Variants in NFATC2 observed in about 807,000 individuals in gnomAD.
The protein encoded by NFATC2 is nuclear factor of activated T cells 2.
A neutral mutation model predicts 87.3 loss-of-function variants in NFATC2; 22 were observed. The ratio of observed to expected loss-of-function variants is 0.25; its 90% confidence interval spans 0.18 to 0.36. The LOEUF (loss-of-function observed/expected upper bound fraction) is 0.36. Ranked by LOEUF, NFATC2 falls within the 10% of genes least tolerant of loss-of-function variation. The pLI is 1.00. For synonymous variants in NFATC2, 565 were observed against 542.2 expected, an observed-to-expected ratio of 1.04 and a Z score of -0.58; for missense variants, 1,149 against 1,259.1, an observed-to-expected ratio of 0.91 and a Z score of 1.32.
chr20:51,484,854 C>G (rs1989576066), intron 3 of NFATC2, among the ~76,000 whole-genome samples: 1 of 152,236 alleles, frequency 6.6e-6, no homozygotes, highest in African/African-American at 2.4e-5. Context: ...ATCCCACTGG[C>G]TGGATGTGTC....
chr20:51,554,324 T>C (rs939478221), intron 1 of NFATC2, among the ~76,000 whole-genome samples: 3 of 152,262 alleles, frequency 2.0e-5, no homozygotes, highest in Non-Finnish European at 4.4e-5. Context: ...CTCATAGACG[T>C]TGGGTTTTTC....
At chr20:51,413,322 G>A (rs1979558260) in intron 9 of NFATC2, among the ~76,000 whole-genome samples, 1 of 152,078 alleles carries the variant, frequency 6.6e-6, no homozygotes, top group Non-Finnish European at 1.5e-5. Flanking sequence ...ATCCTGCTGA[G>A]AAGAGATAAC....
At chr20:51,442,692 T>G (rs1299326316) in intron 6 of NFATC2, among the ~76,000 whole-genome samples, 1 of 145,646 alleles carries the variant, frequency 6.9e-6, no homozygotes, top group Non-Finnish European at 1.5e-5. Flanking sequence ...TTTTTATTAT[T>G]TTTAAATAAA....
chr20:51,540,848 A>G (rs1354692484), intron 1 of NFATC2, among the ~76,000 whole-genome samples: 4 of 152,064 alleles, frequency 2.6e-5, no homozygotes, highest in Non-Finnish European at 4.4e-5. Flanking sequence ...CTGATTACCA[A>G]TCTGGGAGGG....
chr20:51,411,893 T>C (rs977772723), intron 9 of NFATC2, among the ~76,000 whole-genome samples: 5 of 152,080 alleles, frequency 3.3e-5, no homozygotes, highest in African/African-American at 1.2e-4. Context: ...ATGTGTTGAG[T>C]AGAACTGACC....
chr20:51,429,297 G>C (rs574899054), intron 9 of NFATC2, among the ~76,000 whole-genome samples: 3 of 152,238 alleles, frequency 2.0e-5, no homozygotes, highest in Non-Finnish European at 2.9e-5. Flanking sequence ...CCCATTGGAG[G>C]GTCCTGGGGT....
chr20:51,530,375 G>A (rs1249724505), intron 1 of NFATC2, among the ~76,000 whole-genome samples: 2 of 152,102 alleles, frequency 1.3e-5, no homozygotes, highest in Non-Finnish European at 2.9e-5. Flanking sequence ...CACCATGTTG[G>A]TCAGGCTAGT....
intron 3 of NFATC2, among the ~76,000 whole-genome samples, chr20:51,514,489 A>C (rs1466794357): frequency 6.6e-6 from 1 of 152,226 alleles, no homozygotes; most frequent in Non-Finnish European, 1.5e-5. Context: ...TAAGAGAGAG[A>C]GACATTGACA....
intron 5 of NFATC2, among the ~76,000 whole-genome samples, chr20:51,472,634 T>C (rs1235367788): frequency 8.9e-6 from 1 of 112,494 alleles, no homozygotes; most frequent in Non-Finnish European, 1.9e-5. Flanking sequence ...TTCTTCTTTT[T>C]TTTTTTTTTT....
At chr20:51,561,203 T>G (rs1324582296) in intron 1 of NFATC2, among the ~76,000 whole-genome samples, 1 of 152,040 alleles carries the variant, frequency 6.6e-6, no homozygotes. Context: ...GTTAAAACGT[T>G]CGAAGTCCTG....
At chr20:51,551,494 C>T (rs1221780355) in intron 1 of NFATC2, among the ~76,000 whole-genome samples, 1 of 151,938 alleles carries the variant, frequency 6.6e-6, no homozygotes. Context: ...GCTTCAACCT[C>T]CCCAGCTCAG....
intron 1 of NFATC2, among the ~76,000 whole-genome samples, chr20:51,539,664 T>C (rs944884088): frequency 2.0e-5 from 3 of 152,180 alleles, no homozygotes; most frequent in African/African-American, 7.2e-5. Context: ...CTAATTGTTT[T>C]ATTTTTTTAT....
intron 3 of NFATC2, among the ~76,000 whole-genome samples, chr20:51,495,440 A>G (rs2075972890): frequency 6.6e-6 from 1 of 152,208 alleles, no homozygotes; most frequent in Non-Finnish European, 1.5e-5. Context: ...CACCTCAAAG[A>G]GAACACAGCT....
chr20:51,520,066 A>G (rs982057737), intron 2 of NFATC2, among the ~76,000 whole-genome samples: 3 of 152,218 alleles, frequency 2.0e-5, no homozygotes, highest in African/African-American at 7.2e-5. Context: ...TCAACTTTAT[A>G]GAAGATTCTT....
rs1257579244 is a variant in NFATC2, at chr20:51,474,067, G to T, written c.1621C>A (p.Arg541=). The T allele has an allele frequency of 5.6e-6, 9 of 1,614,090 alleles. No individual in the cohort carries two copies. Among genetic ancestry groups the T allele is most frequent in the Non-Finnish European group, 7.6e-6 (9 of 1,180,046 alleles). The change falls in exon 5 of 11, where the codon CGG becomes AGG. Residue 541 remains arginine (R), a synonymous_variant. Coordinates refer to ENST00000371564, the MANE Select transcript of NFATC2 (RefSeq NM_012340.5). ...GETDIGRKNT[R]VRLVFRVHIP... is the part of the protein sequence containing the mutation. ...TGAACTCGGAAAACCAGTCTCACCC[G>T]CGTGTTCTTTCTTCCAATGTCCGTC...
rs1555803754 is a variant in NFATC2, at chr20:51,480,287, C to CT, written c.1333-4628_1333-4627insA. ...TGGGTCACAAAGCAAGACTCTGTCT[C>CT]AAAAAAAATAGAATGTGCTTCCTGC... is the stretch of plus-strand genomic sequence containing the variant. On this transcript the variant is annotated intron_variant, in intron 3 of 10. Coordinates refer to ENST00000371564, the MANE Select transcript of NFATC2 (RefSeq NM_012340.5). This position sits in a 1 kb window ranked among gnomAD's most constrained non-coding sequence, Gnocchi z 4.2. 7.1e-5 allele frequency among the ~76,000 whole-genome samples: 7 copies of CT among 98,546 alleles called. No homozygotes were observed. The highest frequency in any genetic ancestry group is 2.1e-4 in the East Asian group (1 of 4,706). The allele number at this position is 98,546 out of a possible 152,430, so 64.7% of individuals were successfully genotyped here.
chr20:51,401,201 C>T (rs571843852), intron 9 of NFATC2, among the ~76,000 whole-genome samples: 53 of 152,176 alleles, frequency 3.5e-4, no homozygotes, highest in African/African-American at 1.0e-3. Context: ...GAAACCCCGT[C>T]TCTACTAAAA....
Position 51,499,510 on chromosome 20 carries a change from T to C in NFATC2, c.1332+17274A>G, listed in dbSNP as rs2076045130. 2.0e-5 allele frequency among the ~76,000 whole-genome samples: 3 copies of C among 152,100 alleles called. No homozygotes were observed. In the South Asian group the frequency reaches 6.2e-4, roughly 32 times the overall value. ...GCTCATGCCTATAATCCCAGCATTT[T>C]CGGAAGCCAAGGTGGGTGGATCACT... On this transcript the variant is annotated intron_variant, in intron 3 of 10. Transcript: ENST00000371564.
intron 1 of NFATC2, among the ~76,000 whole-genome samples, chr20:51,549,266 G>T (rs199648512): frequency 1.1e-4 from 5 of 45,914 alleles, no homozygotes; most frequent in Admixed American, 1.6e-4. Context: ...TGGTTTTTTT[G>T]TTTGTTTGTT....
Sources: gnomAD v4.1 joint callset for allele counts (sites outside exome capture counted in the v4.1 genomes callset) on GRCh38, gnomAD v4.1.1 for gene constraint, Gnocchi (gnomAD v3.1) non-coding constraint, MANE v1.5 for transcripts, NCBI Gene and HGNC (gene_info 2026-07-23, HGNC 2026-07-21) for gene names.